The following SLIT1 variants were observed in gnomAD, a reference collection of about 807,000 sequenced individuals.
The protein encoded by SLIT1 is slit homolog 1 protein.
In SLIT1, 66 loss-of-function variants were observed where a neutral mutation model predicts 186.1. The ratio of observed to expected loss-of-function variants is 0.35; its 90% confidence interval spans 0.29 to 0.44. The LOEUF (loss-of-function observed/expected upper bound fraction) is 0.44, where lower values mean the gene tolerates loss of function less well. Ranked by LOEUF, SLIT1 falls within the 20% of genes least tolerant of loss-of-function variation. The pLI is 1.00. For missense variants in SLIT1, 1,638 were observed against 2,037.4 expected, an observed-to-expected ratio of 0.80 and a Z score of 3.77; for synonymous variants, 761 against 833.8, an observed-to-expected ratio of 0.91 and a Z score of 1.50.
At chr10:97,003,099 C>T (rs1311545253) in intron 34 of SLIT1, 107 bp from the exon 35 acceptor site, 10 of 1,086,644 alleles carry the variant, frequency 9.2e-6, no homozygotes, top group Non-Finnish European at 1.3e-6. Flanking sequence ...TGCCTGCGGC[C>T]TCTGTCCTTC....
At chr10:97,036,523 C>T (rs140812613) in intron 22 of SLIT1, among the ~76,000 whole-genome samples, 1,786 of 152,324 alleles carry the variant, frequency 0.012, 29 homozygotes, top group Middle Eastern at 0.031. Context: ...GGCCAAGATC[C>T]GGTCACCACA....
intron 4 of SLIT1, among the ~76,000 whole-genome samples, chr10:97,078,764 C>A (rs1233312237): frequency 6.6e-6 from 1 of 152,250 alleles, no homozygotes; most frequent in Non-Finnish European, 1.5e-5. Context: ...GGAATGCAGG[C>A]CCCTCTGCAT....
intron 3 of SLIT1, among the ~76,000 whole-genome samples, chr10:97,161,872 C>T (rs1450926402): frequency 6.6e-6 from 1 of 152,210 alleles, no homozygotes; most frequent in Non-Finnish European, 1.5e-5. Flanking sequence ...TTCTGTACAA[C>T]TGGGGACAAG....
chr10:97,063,305 A>G, intron 8 of SLIT1, 150 bp downstream of exon 8: 1 of 770,692 alleles, frequency 1.3e-6, no homozygotes, highest in Non-Finnish European at 2.2e-6. Context: ...GGTGATGGGC[A>G]GGGTCAGGAG....
At chr10:97,177,434 C>T (rs1226169018) in intron 1 of SLIT1, among the ~76,000 whole-genome samples, 4 of 152,200 alleles carry the variant, frequency 2.6e-5, no homozygotes, top group Non-Finnish European at 5.9e-5. Flanking sequence ...GGTCCAGACC[C>T]ACTTCCCCTC....
chr10:97,145,230 G>T (rs902854928), intron 4 of SLIT1, among the ~76,000 whole-genome samples: 3 of 151,966 alleles, frequency 2.0e-5, no homozygotes, highest in Admixed American at 6.6e-5. Flanking sequence ...CAATTCTCCC[G>T]CCTCAGCCTC....
intron 4 of SLIT1, among the ~76,000 whole-genome samples, chr10:97,135,545 C>A (rs577230881): frequency 6.6e-6 from 1 of 152,084 alleles, no homozygotes; most frequent in Non-Finnish European, 1.5e-5. Flanking sequence ...AACTGGAGGC[C>A]GAGCAATAGT....
Position 97,022,825 on chromosome 10 carries a change from C to T in SLIT1, c.2583-1412G>A, listed in dbSNP as rs1208152936. Among the ~76,000 whole-genome samples, 6 of 152,228 alleles carry T rather than the reference C, an allele frequency of 3.9e-5. No individual in the cohort carries two copies. The highest frequency in any genetic ancestry group is 1.9e-4 in the East Asian group (1 of 5,206). ...TGTAGCCTTCCAGGCCTTTCCCACA[C>T]GTACACACGTGGTTCCTCCTTACAA... On this transcript the variant is annotated intron_variant, in intron 25 of 36. Transcript: ENST00000266058. This position sits in a 1 kb window ranked among gnomAD's most constrained non-coding sequence, Gnocchi z 4.2.
chr10:97,170,671 C>A (rs1277755169), intron 1 of SLIT1, among the ~76,000 whole-genome samples: 1 of 152,214 alleles, frequency 6.6e-6, no homozygotes, highest in Non-Finnish European at 1.5e-5. Flanking sequence ...GGCAAATGGC[C>A]CTGATTTCCC....
chr10:97,080,322 C>T (rs1291294522), intron 4 of SLIT1, among the ~76,000 whole-genome samples: 1 of 152,144 alleles, frequency 6.6e-6, no homozygotes, highest in African/African-American at 2.4e-5. Context: ...CCTGCTACCC[C>T]CTGCCAAAAA....
At position 97,002,277 on chromosome 10, in the gene SLIT1, C is replaced by A. The variant is rs766959853; in HGVS notation, c.4247G>T (p.Gly1416Val). The change falls in exon 36 of 37, where the codon GGG (glycine) becomes GTG (valine). Residue 1416 changes from glycine to valine, a missense_variant. Gly to Val is a moderately radical substitution (Grantham distance 109). Around this residue, in one of 3 missense-constraint regions of SLIT1, gnomAD observed 220 missense variants for 211.3 expected, o/e 1.04. Coordinates refer to ENST00000266058, the MANE Select transcript of SLIT1 (RefSeq NM_003061.3). ...GCCTCTGCAGGGCTCTGCCAGGGCCCCGGCCTGGTTGCACAGTGCCCCCGA... is the reference window on the plus strand; with the variant it reads ...GCCTCTGCAGGGCTCTGCCAGGGCCACGGCCTGGTTGCACAGTGCCCCCGA... ...GYSGALCNQA[G>V]ALAEPCRGLQ... The A allele has an allele frequency of 6.2e-7, 1 of 1,609,106 alleles. No individual in the cohort carries two copies. Among genetic ancestry groups the A allele is most frequent in the Non-Finnish European group, 8.5e-7 (1 of 1,178,502 alleles).
In SLIT1 at chr10:97,106,078, C is replaced by T. The variant is rs573343954; in HGVS notation, c.414-39992G>A. 6.8e-4 allele frequency among the ~76,000 whole-genome samples: 103 copies of T among 152,294 alleles called. 1 individual carries two copies. Among genetic ancestry groups the T allele is most frequent in the African/African-American group, 2.4e-3 (101 of 41,552 alleles). ...TCCCAGGGACTTCCCAGTGGTAACC[C>T]CAGTTTTGTCTGGAGATCCGCCCCT... On this transcript the variant is annotated intron_variant, in intron 4 of 36. Transcript: ENST00000266058.
intron 18 of SLIT1, among the ~76,000 whole-genome samples, chr10:97,044,895 G>A (rs1848721882): frequency 1.3e-5 from 2 of 152,242 alleles, no homozygotes; most frequent in Admixed American, 6.5e-5. Context: ...AATCCCCAGT[G>A]TGATGGGATC....
chr10:97,119,641 C>G (rs1470787217), intron 4 of SLIT1, among the ~76,000 whole-genome samples: 5 of 151,524 alleles, frequency 3.3e-5, no homozygotes, highest in African/African-American at 1.2e-4. Flanking sequence ...CACCCATCCT[C>G]CCTGGCTTTG....
At chr10:97,167,619 A>G (rs771089214) in intron 1 of SLIT1, among the ~76,000 whole-genome samples, 2 of 152,238 alleles carry the variant, frequency 1.3e-5, no homozygotes, top group South Asian at 4.1e-4. Context: ...AGAACGTAGG[A>G]AAAGGTCACA....
intron 4 of SLIT1, among the ~76,000 whole-genome samples, chr10:97,150,324 A>G (rs1303454956): frequency 6.6e-6 from 1 of 152,152 alleles, no homozygotes; most frequent in Non-Finnish European, 1.5e-5. Context: ...TCTTCATTTC[A>G]GCAGAGAATG....
At chr10:97,064,749 G>A (rs1848928021) in intron 6 of SLIT1, 56 bp downstream of exon 6, 2 of 1,362,532 alleles carry the variant, frequency 1.5e-6, no homozygotes, top group African/African-American at 1.5e-5. Flanking sequence ...GCGGCACTTG[G>A]CACCTGCCTA....
At chr10:97,114,505 AT>A (rs905761730) in intron 4 of SLIT1, among the ~76,000 whole-genome samples, 4 of 152,118 alleles carry the variant, frequency 2.6e-5, no homozygotes, top group African/African-American at 7.2e-5. Context: ...TTTTTAATTA[AT>A]TGGGTGTGGT....
chr10:97,180,558 T>C (rs1850322319), intron 1 of SLIT1, among the ~76,000 whole-genome samples: 1 of 152,248 alleles, frequency 6.6e-6, no homozygotes, highest in Admixed American at 6.5e-5. Flanking sequence ...AGCTATCTGT[T>C]GAATGAGGGA....
Sources: gnomAD v4.1 joint callset for allele counts (sites outside exome capture counted in the v4.1 genomes callset) on GRCh38, gnomAD v4.1.1 for gene constraint, gnomAD v4.1.1 regional missense constraint, Gnocchi (gnomAD v3.1) non-coding constraint, MANE v1.5 for transcripts, NCBI Gene and HGNC (gene_info 2026-07-23, HGNC 2026-07-21) for gene names.